The following ANK3 variants were observed in gnomAD, a reference collection of about 807,000 sequenced individuals.
ANK3 encodes the protein ankyrin-3.
ANK3 carries 57 observed loss-of-function variants against 370.9 expected under a neutral mutation model. That is an observed-to-expected ratio of 0.15 (90% CI 0.12 to 0.19). The LOEUF is 0.19. ANK3 is among the 10% of genes least tolerant of loss of function. The pLI is 1.00. For missense variants in ANK3, 4,439 were observed against 5,302.1 expected, an observed-to-expected ratio of 0.84 and a Z score of 5.06; for synonymous variants, 1,929 against 1,946.3, an observed-to-expected ratio of 0.99 and a Z score of 0.23.
chr10:60,576,777 A>T (rs1479649462), intron 2 of ANK3, among the ~76,000 whole-genome samples: 1 of 152,170 alleles, frequency 6.6e-6, no homozygotes, highest in East Asian at 1.9e-4. Context: ...AAACAAAGGA[A>T]TCTTTAGAGC....
chr10:60,608,574 T>G (rs753222374), intron 2 of ANK3, among the ~76,000 whole-genome samples: 1 of 152,170 alleles, frequency 6.6e-6, no homozygotes, highest in Non-Finnish European at 1.5e-5. Flanking sequence ...CACCAGAGGC[T>G]CAGCAGGCAT....
At chr10:60,092,271 T>C (rs551744411) in intron 28 of ANK3, among the ~76,000 whole-genome samples, 2 of 152,184 alleles carry the variant, frequency 1.3e-5, no homozygotes, top group Non-Finnish European at 2.9e-5. Context: ...ACAGGACTCT[T>C]TTCAGACCTC....
At chr10:60,595,998 G>A (rs1049421681) in intron 2 of ANK3, among the ~76,000 whole-genome samples, 5 of 152,048 alleles carry the variant, frequency 3.3e-5, no homozygotes, top group African/African-American at 9.7e-5. Flanking sequence ...TCCTTTCCCC[G>A]TAATTCTTCA....
At chr10:60,662,935 G>A (rs995601661) in intron 1 of ANK3, among the ~76,000 whole-genome samples, 2 of 152,152 alleles carry the variant, frequency 1.3e-5, no homozygotes, top group African/African-American at 4.8e-5. Flanking sequence ...GAACACTTGT[G>A]TAAGACTTCA....
At chr10:60,227,900 G>A (rs1220604983) in intron 8 of ANK3, among the ~76,000 whole-genome samples, 1 of 152,020 alleles carries the variant, frequency 6.6e-6, no homozygotes, top group African/African-American at 2.4e-5. Flanking sequence ...TCTTTTGACT[G>A]TCGGTCATAT....
At chr10:60,388,507 A>G (rs1412719816) in intron 1 of ANK3, among the ~76,000 whole-genome samples, 1 of 152,202 alleles carries the variant, frequency 6.6e-6, no homozygotes. Flanking sequence ...TCCTATTCAG[A>G]TCACAGAGTT....
intron 26 of ANK3, among the ~76,000 whole-genome samples, chr10:60,111,336 T>C (rs1043114867): frequency 1.3e-5 from 2 of 152,210 alleles, no homozygotes; most frequent in Admixed American, 6.5e-5. Flanking sequence ...AACCATTTAT[T>C]GTTCTGAGGT....
At chr10:60,453,479 C>A (rs565354599) in intron 2 of ANK3, among the ~76,000 whole-genome samples, 3 of 152,132 alleles carry the variant, frequency 2.0e-5, no homozygotes, top group African/African-American at 7.2e-5. Context: ...GTGTCCCAAA[C>A]GTATCTGTGC....
At chr10:60,568,428 G>T (rs1027969170) in intron 2 of ANK3, among the ~76,000 whole-genome samples, 1 of 152,178 alleles carries the variant, frequency 6.6e-6, no homozygotes, top group Non-Finnish European at 1.5e-5. Flanking sequence ...ATACTTAACA[G>T]ACTACAGCAT....
intron 1 of ANK3, among the ~76,000 whole-genome samples, 156 bp from the exon 2 acceptor site, chr10:60,279,795 G>C (rs956359622): frequency 1.3e-5 from 2 of 152,064 alleles, no homozygotes; most frequent in African/African-American, 2.4e-5. Flanking sequence ...CCAAGAAAAG[G>C]ACACATTTTT....
chr10:60,443,787 T>C (rs1001302880), intron 2 of ANK3, among the ~76,000 whole-genome samples: 10 of 152,222 alleles, frequency 6.6e-5, no homozygotes, highest in African/African-American at 2.2e-4. Flanking sequence ...AGCTTCTTCC[T>C]ACTCTTCAAA....
chr10:60,139,158 T>C, intron 23 of ANK3, 71 bp from the exon 24 acceptor site: 1 of 1,560,244 alleles, frequency 6.4e-7, no homozygotes, highest in Non-Finnish European at 8.7e-7. Flanking sequence ...AGAAAATCAC[T>C]CCTTTGGTTA....
chr10:60,527,442 C>T (rs77967847), intron 2 of ANK3, among the ~76,000 whole-genome samples: 10,182 of 152,154 alleles, frequency 0.067, 483 homozygotes, highest in South Asian at 0.18. Context: ...CAGAAATACA[C>T]ACCCACATGA....
At chr10:60,399,656 A>T (rs969386487) in intron 2 of ANK3, among the ~76,000 whole-genome samples, 1 of 152,192 alleles carries the variant, frequency 6.6e-6, no homozygotes, top group African/African-American at 2.4e-5. Flanking sequence ...AGGTGGACTG[A>T]ATCTGCCCCA....
At chr10:60,145,432 G>A (rs1036285771) in intron 23 of ANK3, among the ~76,000 whole-genome samples, 7 of 152,122 alleles carry the variant, frequency 4.6e-5, no homozygotes, top group African/African-American at 1.2e-4. Flanking sequence ...GAGAGGAAAT[G>A]AAAACTATTG....
At chr10:60,695,396 C>A (rs1193833458) in intron 1 of ANK3, among the ~76,000 whole-genome samples, 1 of 152,140 alleles carries the variant, frequency 6.6e-6, no homozygotes, top group Non-Finnish European at 1.5e-5. Flanking sequence ...CTGCACCAAG[C>A]AGACCTAATA....
At chr10:60,539,309 C>T (rs2076793645) in intron 2 of ANK3, among the ~76,000 whole-genome samples, 1 of 151,818 alleles carries the variant, frequency 6.6e-6, no homozygotes, top group African/African-American at 2.4e-5. Context: ...TTTTTCTTGG[C>T]ATGGTCCTTT....
intron 28 of ANK3, among the ~76,000 whole-genome samples, chr10:60,096,617 C>G (rs2090184696): frequency 6.6e-6 from 1 of 152,152 alleles, no homozygotes; most frequent in Non-Finnish European, 1.5e-5. Flanking sequence ...ACCCAGGTGA[C>G]TTTTTGACAC....
chr10:60,396,601 T>C (rs1292875947), intron 2 of ANK3, among the ~76,000 whole-genome samples: 2 of 152,186 alleles, frequency 1.3e-5, no homozygotes, highest in African/African-American at 4.8e-5. Flanking sequence ...AAATAAATTC[T>C]CCTGTGTACC....
Sources: allele counts gnomAD v4.1 joint callset (sites outside exome capture counted in the v4.1 genomes callset), GRCh38; gene constraint gnomAD v4.1.1; transcripts MANE v1.5; gene names NCBI Gene and HGNC (gene_info 2026-07-23, HGNC 2026-07-21).